Variants in USP43 observed in about 807,000 individuals in gnomAD.
The protein encoded by USP43 is ubiquitin carboxyl-terminal hydrolase 43.
USP43 carries 33 observed loss-of-function variants against 90.7 expected under a neutral mutation model. The ratio of observed to expected loss-of-function variants is 0.36; its 90% CI spans 0.28 to 0.49. USP43 has a LOEUF of 0.49. USP43 is among the 20% of genes least tolerant of loss of function. USP43 has a pLI of 0.98. For missense variants in USP43, 1,274 were observed against 1,476.4 expected (o/e 0.86, Z 2.25); for synonymous variants, 598 against 615.8 (o/e 0.97, Z 0.43).
chr17:9,662,820 C>CTTTT lies in USP43; in HGVS notation c.637-3816_637-3813dup, dbSNP rs758792118. On this transcript the variant is annotated intron_variant, in intron 2 of 14. Coordinates refer to ENST00000285199, the MANE Select transcript of USP43 (RefSeq NM_153210.5). ...TCTAAGTGTTTTGTATATATGATCT[C>CTTTT]TTTTTTTTTTTTTTTGAGGCAGAGT... 7.2e-3 allele frequency among the ~76,000 whole-genome samples: 1,013 copies of CTTTT among 140,788 alleles called. 12 individuals carry two copies. Among genetic ancestry groups the CTTTT allele is most frequent in the African/African-American group, 0.025 (939 of 37,908 alleles). 92.4% of individuals were successfully genotyped at this position (140,788 alleles called of 152,430 possible).
chr17:9,690,984 C>T (rs1280834163), intron 8 of USP43, among the ~76,000 whole-genome samples: 2 of 152,230 alleles, frequency 1.3e-5, no homozygotes, highest in African/African-American at 4.8e-5. Flanking sequence ...TATGAATTTT[C>T]CTGTTTTAGG....
chr17:9,687,694 C>A (rs921785812), intron 8 of USP43, among the ~76,000 whole-genome samples: 1 of 152,198 alleles, frequency 6.6e-6, no homozygotes, highest in East Asian at 1.9e-4. Context: ...GGGGCACACA[C>A]AGATCTTATC....
chr17:9,663,401 G>A (rs1025819043), intron 2 of USP43, among the ~76,000 whole-genome samples: 4 of 151,754 alleles, frequency 2.6e-5, no homozygotes, highest in East Asian at 1.9e-4. Flanking sequence ...AGGTTAAAGC[G>A]ATTCTCCTGT....
At chr17:9,670,261 A>C (rs1419520715) in intron 3 of USP43, among the ~76,000 whole-genome samples, 1 of 148,032 alleles carries the variant, frequency 6.8e-6, no homozygotes, top group Non-Finnish European at 1.5e-5. Context: ...CTGGTCTTGA[A>C]CTCCTGACCT....
chr17:9,708,854 C>T (rs755563482), intron 12 of USP43, among the ~76,000 whole-genome samples: 1 of 152,078 alleles, frequency 6.6e-6, no homozygotes, highest in Non-Finnish European at 1.5e-5. Flanking sequence ...GTCTCGAACT[C>T]CTGACCTCGT....
In USP43 at chr17:9,686,237, AT is replaced by A. The variant is rs1343077027; in HGVS notation, c.1242-558del. ...CATCCACCGATGTACACTTAGGTTG[AT>A]TTGGAATCTTGGCTATTGTGAATAG... On this transcript the variant is annotated intron_variant, in intron 7 of 14. Transcript: ENST00000285199. The surrounding 1 kb of genome is among the most constrained non-coding windows in gnomAD (Gnocchi z 5.5). 2.0e-5 allele frequency among the ~76,000 whole-genome samples: 3 copies of A among 152,082 alleles called. No homozygotes were observed. Among genetic ancestry groups the A allele is most frequent in the Admixed American group, 1.3e-4 (2 of 15,286 alleles).
In USP43 at chr17:9,681,465, TATATATA is replaced by T. The variant is rs1914257545; in HGVS notation, c.1105+1100_1105+1106del. Among the ~76,000 whole-genome samples, 273 of 73,010 alleles carry T rather than the reference TATATATA, an allele frequency of 3.7e-3. 13 individuals carry two copies. Among genetic ancestry groups the T allele is most frequent in the African/African-American group, 9.6e-3 (244 of 25,406 alleles). 47.9% of individuals were successfully genotyped at this position (73,010 alleles called of 152,430 possible). A position where few individuals can be genotyped will look rare whatever the true frequency, so the allele number is the denominator to read the frequency against. ...AGATAAATATATATAAAATATATTA[TATATATA>T]TATATATATATATATATATATATAT... On this transcript the variant is annotated intron_variant, in intron 6 of 14. Transcript: ENST00000285199.
chr17:9,653,721 T>C (rs1597812525), intron 1 of USP43, among the ~76,000 whole-genome samples: 1 of 151,692 alleles, frequency 6.6e-6, no homozygotes. Flanking sequence ...CGACAGAGGG[T>C]GCTTGGACTA....
chr17:9,716,086 A>G (rs1465383654), intron 14 of USP43, among the ~76,000 whole-genome samples: 2 of 140,880 alleles, frequency 1.4e-5, no homozygotes, highest in Middle Eastern at 4.0e-3. Context: ...TTGTGCCTGT[A>G]TGTCTGTGTG....
intron 1 of USP43, among the ~76,000 whole-genome samples, chr17:9,652,665 T>C (rs1911955803): frequency 6.6e-6 from 1 of 152,048 alleles, no homozygotes; most frequent in African/African-American, 2.4e-5. Flanking sequence ...CTGGCCTGTT[T>C]CCATAGACTT....
intron 6 of USP43, 64 bp downstream of exon 6, chr17:9,680,430 C>G (rs1454068418): frequency 6.3e-7 from 1 of 1,582,074 alleles, no homozygotes; most frequent in African/African-American, 1.3e-5. Context: ...AGAGGATACT[C>G]CTTGGGTGCA....
At chr17:9,668,153 A>G (rs776460451) in intron 3 of USP43, among the ~76,000 whole-genome samples, 11 of 152,128 alleles carry the variant, frequency 7.2e-5, no homozygotes, top group Non-Finnish European at 1.3e-4. Context: ...TGTTGCACTA[A>G]ATCATTTCGA....
intron 1 of USP43, among the ~76,000 whole-genome samples, chr17:9,649,676 G>GT (rs1181359512): frequency 1.0e-5 from 1 of 97,516 alleles, no homozygotes; most frequent in East Asian, 3.0e-4. Flanking sequence ...GTTGCACATT[G>GT]TAAAAAAAAA....
intron 9 of USP43, among the ~76,000 whole-genome samples, chr17:9,698,898 A>G (rs1915415340): frequency 1.3e-5 from 2 of 152,198 alleles, no homozygotes; most frequent in Non-Finnish European, 2.9e-5. Flanking sequence ...CCCAGAATTA[A>G]ATTACGTACC....
chr17:9,660,947 G>C (rs1912600615), intron 2 of USP43, among the ~76,000 whole-genome samples: 1 of 152,234 alleles, frequency 6.6e-6, no homozygotes, highest in Non-Finnish European at 1.5e-5. Context: ...GAGCTGTTGG[G>C]ATTATCCGGC....
chr17:9,650,902 T>C (rs1222204257), intron 1 of USP43, among the ~76,000 whole-genome samples: 1 of 152,008 alleles, frequency 6.6e-6, no homozygotes, highest in East Asian at 1.9e-4. Flanking sequence ...ATAAGTTCTT[T>C]AGTGGTGATT....
chr17:9,648,366 A>AGGAATGCAT (rs1911602534), intron 1 of USP43, among the ~76,000 whole-genome samples: 1 of 152,256 alleles, frequency 6.6e-6, no homozygotes, highest in Non-Finnish European at 1.5e-5. Context: ...AGAGTAGACT[A>AGGAATGCAT]GGAATGCATG....
intron 14 of USP43, among the ~76,000 whole-genome samples, chr17:9,727,317 G>GA (rs1187500547): frequency 1.3e-5 from 2 of 151,792 alleles, no homozygotes; most frequent in African/African-American, 2.4e-5. Context: ...AAAGAATTAA[G>GA]AAAAAAAATC....
chr17:9,649,891 T>C (rs890525289), intron 1 of USP43, among the ~76,000 whole-genome samples: 3 of 152,100 alleles, frequency 2.0e-5, no homozygotes, highest in African/African-American at 7.2e-5. Flanking sequence ...TAATTAAGTC[T>C]TTAACAATTA....
Sources: gnomAD v4.1 joint callset for allele counts (sites outside exome capture counted in the v4.1 genomes callset) on GRCh38, gnomAD v4.1.1 for gene constraint, Gnocchi (gnomAD v3.1) non-coding constraint, MANE v1.5 for transcripts, NCBI Gene and HGNC (gene_info 2026-07-23, HGNC 2026-07-21) for gene names.